INTS1: variants seen among roughly 807,000 people sequenced by gnomAD.
INTS1 encodes integrator complex subunit 1.
Under a neutral mutation model 241.6 loss-of-function variants are expected in INTS1, and 137 were observed. The ratio of observed to expected loss-of-function variants is 0.57; its 90% CI spans 0.49 to 0.65. INTS1 has a LOEUF of 0.65. Ranked by LOEUF, INTS1 falls within the 30% of genes least tolerant of loss-of-function variation. The pLI is 0.00. For missense variants in INTS1, 3,073 were observed against 3,032.2 expected, an observed-to-expected ratio of 1.01 and a Z score of -0.32; for synonymous variants, 1,692 against 1,337.8, an observed-to-expected ratio of 1.26 and a Z score of -5.78.
chr7:1,476,754 G>A (rs764416789), intron 36 of INTS1, 40 bp downstream of exon 36: 1 of 1,612,470 alleles, frequency 6.2e-7, no homozygotes, highest in South Asian at 1.1e-5. Context: ...GTGAAGGCCA[G>A]TATGCGCGCA....
At chr7:1,500,476 C>T (rs1416618134) in intron 3 of INTS1, 110 bp from the exon 4 acceptor site, 37 of 1,223,226 alleles carry the variant, frequency 3.0e-5, no homozygotes, top group Admixed American at 1.4e-4. Context: ...GTCGGCCCTG[C>T]CAGGGACCAG....
intron 4 of INTS1, 57 bp from the exon 5 acceptor site, chr7:1,500,078 G>A: frequency 1.3e-6 from 2 of 1,599,770 alleles, no homozygotes; most frequent in Non-Finnish European, 1.7e-6. Flanking sequence ...GGCAAAGCTG[G>A]GGTGGGCCGG....
chr7:1,485,426 T>G lies in INTS1; in HGVS notation c.3020A>C (p.Glu1007Ala). 1.2e-6 allele frequency: 2 copies of G among 1,612,474 alleles called. No homozygotes were observed. The highest frequency in any genetic ancestry group is 1.7e-6 in the Non-Finnish European group (2 of 1,179,728). Residue 1007 changes from glutamate (E) to alanine (A), a missense_variant, in exon 23 of 48, where the codon GAG (glutamate) becomes GCG (alanine). Physicochemically the swap from Glu to Ala is moderately radical, Grantham distance 107. Coordinates refer to ENST00000404767, the MANE Select transcript of INTS1 (RefSeq NM_001080453.3). The stretch of plus-strand genomic sequence containing the variant: ...CTCCTCCATGGGGGGCTCCTTCTCC[T>G]CCCCGTCCCGCAGGCTGCCCTCCGA... Reference protein sequence around the residue: ...VLSEGSLRDGEEKEPPMEEDV... With the variant: ...VLSEGSLRDGAEKEPPMEEDV...
At chr7:1,478,043 A>G in intron 33 of INTS1, 107 bp from the exon 34 acceptor site, 4 of 941,948 alleles carry the variant, frequency 4.2e-6, no homozygotes, top group African/African-American at 1.6e-5. Flanking sequence ...TGTGTGGGAC[A>G]CAAGAGCAGA....
In INTS1 at chr7:1,483,870, G is replaced by A. The variant is rs1272838408; in HGVS notation, c.3430-17C>T. ...AGACTCCGACTGTGGGAAAAGAGGT[G>A]GAGTCAGGCCGTAAGGTTCAGGGAC... On this transcript the variant is annotated splice_polypyrimidine_tract_variant and intron_variant, in intron 25 of 47. Transcript: ENST00000404767. The A allele has an allele frequency of 6.2e-6, 10 of 1,603,708 alleles. No individual in the cohort carries two copies. The highest frequency in any genetic ancestry group is 1.6e-4 in the Middle Eastern group (1 of 6,066).
chr7:1,473,061 GC>G lies in INTS1; in HGVS notation c.6070+10del. 6.4e-7 allele frequency: 1 copy of G among 1,562,786 alleles called. No individual in the cohort carries two copies. ...CAGCTGCTTCCAGCAGCCCCTGGCA[GC>G]CCCACTCACCCTCGCCCTCTTCGTC... On this transcript the variant is annotated intron_variant, in intron 43 of 47. Coordinates refer to ENST00000404767, the MANE Select transcript of INTS1 (RefSeq NM_001080453.3).
rs748665446 is a variant in INTS1, at chr7:1,503,986, G to A, written c.-26C>T. On this transcript the variant is annotated 5_prime_UTR_variant, in exon 2 of 48. Transcript: ENST00000404767. Reference sequence around the variant, plus strand: ...CCTGCCCCGTCCCTCGCGGCTCCCGGCGGCTGCGGCGTCACCTGCGGAGGA... The same window carrying A: ...CCTGCCCCGTCCCTCGCGGCTCCCGACGGCTGCGGCGTCACCTGCGGAGGA... The A allele has an allele frequency of 6.5e-7, 1 of 1,532,692 alleles. No individual in the cohort carries two copies. The highest frequency in any genetic ancestry group is 8.8e-7 in the Non-Finnish European group (1 of 1,137,580). 94.9% of individuals were successfully genotyped at this position (1,532,692 alleles called of 1,614,324 possible).
At position 1,481,636 on chromosome 7, in the gene INTS1, T is replaced by C; in HGVS notation, c.3704-148A>G. The C allele has an allele frequency of 1.7e-6, 1 of 597,392 alleles. No individual in the cohort carries two copies. The allele number at this position is 597,392 out of a possible 1,614,324, so 37.0% of individuals were successfully genotyped here. ...GGGCTCGGTGACCCCACCCAAGACCTGGGGCAGTGCACACTCGGCAGCCCC... is the reference window on the plus strand; with the variant it reads ...GGGCTCGGTGACCCCACCCAAGACCCGGGGCAGTGCACACTCGGCAGCCCC... On this transcript the variant is annotated intron_variant, in intron 27 of 47. Coordinates refer to ENST00000404767, the MANE Select transcript of INTS1 (RefSeq NM_001080453.3). This position sits in a 1 kb window ranked among gnomAD's most constrained non-coding sequence, Gnocchi z 6.8.
At chr7:1,498,910 T>C (rs952688242) in intron 8 of INTS1, 58 bp from the exon 9 acceptor site, 12 of 1,542,336 alleles carry the variant, frequency 7.8e-6, no homozygotes, top group Non-Finnish European at 9.6e-6. Context: ...AAGACCACGC[T>C]GTGGGGCCAC....
intron 44 of INTS1, 72 bp downstream of exon 44, chr7:1,472,201 A>T: frequency 8.7e-7 from 1 of 1,148,754 alleles, no homozygotes; most frequent in Non-Finnish European, 1.3e-6. Context: ...CCAAATGGCT[A>T]CTGGCTGCTG....
chr7:1,504,093 A>C lies in INTS1; in HGVS notation c.-41-92T>G. 5.8e-6 allele frequency: 4 copies of C among 689,088 alleles called. No homozygotes were observed. In the South Asian group the frequency reaches 8.0e-5, roughly 14 times the overall value. 42.7% of individuals were successfully genotyped at this position (689,088 alleles called of 1,614,324 possible). The stretch of plus-strand genomic sequence containing the variant: ...TTGCCGCACGGGGCTTGGGCCTGGG[A>C]CCCGGGGACAGTGGTCCCGCGCCCG... On this transcript the variant is annotated intron_variant, in intron 1 of 47. Coordinates refer to ENST00000404767, the MANE Select transcript of INTS1 (RefSeq NM_001080453.3).
At chr7:1,495,624 TC>T (rs1782811479) in intron 12 of INTS1, 71 bp from the exon 13 acceptor site, 1 of 1,539,314 alleles carries the variant, frequency 6.5e-7, no homozygotes, top group South Asian at 1.2e-5. Flanking sequence ...CCCCTGGGGG[TC>T]CAACTCAATG....
Position 1,481,320 on chromosome 7 carries a change from C to G in INTS1, c.3850+22G>C, listed in dbSNP as rs771833908. 1 of 1,612,444 alleles carries G rather than the reference C, an allele frequency of 6.2e-7. No homozygotes were observed. Among genetic ancestry groups the G allele is most frequent in the South Asian group, 1.1e-5 (1 of 91,032 alleles). Reference sequence around the variant, plus strand: ...CTCGGTCAGCGTGTGTGAACCCACTCCGCAGGTCCCTGGCATCTTACTCTT... The same window carrying G: ...CTCGGTCAGCGTGTGTGAACCCACTGCGCAGGTCCCTGGCATCTTACTCTT... On this transcript the variant is annotated intron_variant, in intron 28 of 47. Coordinates refer to ENST00000404767, the MANE Select transcript of INTS1 (RefSeq NM_001080453.3). This position sits in a 1 kb window ranked among gnomAD's most constrained non-coding sequence, Gnocchi z 6.8.
Position 1,497,126 on chromosome 7 carries a change from G to A in INTS1, c.1602+12C>T, listed in dbSNP as rs369291403. The A allele has an allele frequency of 1.7e-4, 273 of 1,590,870 alleles. No homozygotes were observed. Among genetic ancestry groups the A allele is most frequent in the Middle Eastern group, 8.4e-4 (5 of 5,970 alleles). On this transcript the variant is annotated intron_variant, in intron 11 of 47. Transcript: ENST00000404767. The surrounding 1 kb of genome is among the most constrained non-coding windows in gnomAD (Gnocchi z 5.3). ...AGTGAGGGAAAGGCGCCCCAGCGGC[G>A]AGGGCTGGCACCTTGAACTCCATCT...
Position 1,485,350 on chromosome 7 carries a change from G to A in INTS1, c.3096C>T (p.Asp1032=). The A allele has an allele frequency of 1.2e-6, 2 of 1,611,904 alleles. No homozygotes were observed. Among genetic ancestry groups the A allele is most frequent in the Non-Finnish European group, 1.7e-6 (2 of 1,179,778 alleles). The change falls in exon 23 of 48, where the codon GAC becomes GAT. Residue 1032 remains aspartate, a synonymous_variant. Coordinates refer to ENST00000404767, the MANE Select transcript of INTS1 (RefSeq NM_001080453.3). ...TGTCGAACAGAGGCAGGCGAGGCAG[G>A]TCCCGCAGCAGCCACTGATAGCCCT... is the stretch of plus-strand genomic sequence containing the variant. ...VLQGYQWLLR[D]LPRLPLFDSV...
rs559913653 is a variant in INTS1, at chr7:1,492,863, C to T, written c.2165+147G>A. 1.2e-3 allele frequency: 602 copies of T among 487,800 alleles called. 18 individuals are homozygous for T. The African/African-American group carries it at 0.013, about 11-fold the overall frequency. The allele number at this position is 487,800 out of a possible 1,614,324, so 30.2% of individuals were successfully genotyped here. On this transcript the variant is annotated intron_variant, in intron 16 of 47. Transcript: ENST00000404767. ...CGGGAGTGGGGAGTGGGGAGCGGGG[C>T]GCGGGCTTACCCGGGCGGGAGTGGG...
Position 1,502,877 on chromosome 7 carries a change from G to A in INTS1, c.349+24C>T, listed in dbSNP as rs781092175. 6.0e-5 allele frequency: 97 copies of A among 1,612,282 alleles called. 1 individual carries two copies. The highest frequency in any genetic ancestry group is 2.4e-4 in the South Asian group (22 of 90,960). On this transcript the variant is annotated intron_variant, in intron 3 of 47. Coordinates refer to ENST00000404767, the MANE Select transcript of INTS1 (RefSeq NM_001080453.3). ...ACGGCATGAGCTGAGGGGTGTTCTC[G>A]GGGGATGTCCACAGACTCATTACCT... is the stretch of plus-strand genomic sequence containing the variant.
intron 40 of INTS1, 94 bp downstream of exon 40, chr7:1,474,611 T>C: frequency 7.0e-7 from 1 of 1,435,184 alleles, no homozygotes; most frequent in South Asian, 1.3e-5. Flanking sequence ...TTTTTGTTGT[T>C]TTTGGAGTTT....
intron 22 of INTS1, 41 bp from the exon 23 acceptor site, chr7:1,485,510 G>C (rs548396671): frequency 6.3e-7 from 1 of 1,594,900 alleles, no homozygotes; most frequent in Non-Finnish European, 8.5e-7. Flanking sequence ...TTTCGGCAGT[G>C]CAGGCAGGGT....
Sources: allele counts gnomAD v4.1 joint callset, GRCh38; gene constraint gnomAD v4.1.1; non-coding constraint Gnocchi (gnomAD v3.1); transcripts MANE v1.5; gene names NCBI Gene and HGNC (gene_info 2026-07-23, HGNC 2026-07-21).